SIMC1: variants seen among roughly 807,000 people sequenced by gnomAD.
SIMC1 encodes SUMO interacting motifs containing 1.
A neutral mutation model predicts 82.3 loss-of-function variants in SIMC1; 55 were observed. The ratio of observed to expected loss-of-function variants is 0.67; its 90% CI spans 0.54 to 0.84. The LOEUF is 0.84. Among genes scored for constraint, SIMC1 ranks in the 40% least tolerant of loss-of-function variants. SIMC1 has a pLI of 0.00. For synonymous variants in SIMC1, 353 were observed against 426.3 expected (o/e 0.83, Z 2.12); for missense variants, 915 against 1,107.2 (o/e 0.83, Z 2.46).
In SIMC1 at chr5:176,345,218, T is replaced by G; in HGVS notation, c.2449T>G (p.Leu817Val). The G allele has an allele frequency of 6.2e-7, 1 of 1,613,952 alleles. No individual in the cohort carries two copies. Among genetic ancestry groups the G allele is most frequent in the Non-Finnish European group, 8.5e-7 (1 of 1,179,872 alleles). The change falls in exon 10 of 10, where the codon TTA (leucine) becomes GTA (valine). Residue 817 changes from leucine to valine, a missense_variant. Physicochemically the swap from Leu to Val is conservative, Grantham distance 32. Coordinates refer to ENST00000429602, the MANE Select transcript of SIMC1 (RefSeq NM_001308195.2). ...LRSSVIDRKD[L>V]IIKRIKPKPQ... Reference sequence around the variant, plus strand: ...GAGTTCCGTGATCGACCGAAAGGACTTAATAATCAAAAGGATTAAGCCCAA... The same window carrying G: ...GAGTTCCGTGATCGACCGAAAGGACGTAATAATCAAAAGGATTAAGCCCAA...
chr5:176,323,765 T>A (rs1417089436), intron 6 of SIMC1, among the ~76,000 whole-genome samples: 1 of 151,994 alleles, frequency 6.6e-6, no homozygotes, highest in Non-Finnish European at 1.5e-5. Context: ...GGCGGGTGGA[T>A]CATGAGGTCA....
chr5:176,252,008 G>T (rs370623319), intron 1 of SIMC1, among the ~76,000 whole-genome samples: 1 of 151,718 alleles, frequency 6.6e-6, no homozygotes, highest in Admixed American at 6.6e-5. Flanking sequence ...GCAACCATCC[G>T]ATTTCTCAAT....
intron 4 of SIMC1, among the ~76,000 whole-genome samples, chr5:176,304,802 C>T (rs1228254533): frequency 6.6e-6 from 1 of 150,986 alleles, no homozygotes; most frequent in Non-Finnish European, 1.5e-5. Context: ...CCCGGCTGCC[C>T]ATTGTCTGAG....
At position 176,257,498 on chromosome 5, in the gene SIMC1, AAG is replaced by A. The variant is rs1251888264; in HGVS notation, c.129+18866_129+18867del. On this transcript the variant is annotated intron_variant, in intron 1 of 9. Coordinates refer to ENST00000429602, the MANE Select transcript of SIMC1 (RefSeq NM_001308195.2). ...AGCTGGCACATCACATGGAGAGAGC[AAG>A]AGAGTGAGAGTGGGGGTGCAAAGGT... 1.6e-4 allele frequency among the ~76,000 whole-genome samples: 24 copies of A among 152,234 alleles called. No homozygotes were observed. The East Asian group carries it at 3.5e-3, about 22-fold the overall frequency.
intron 1 of SIMC1, among the ~76,000 whole-genome samples, chr5:176,257,714 C>A (rs574053231): frequency 2.2e-4 from 34 of 152,066 alleles, no homozygotes; most frequent in African/African-American, 8.2e-4. Context: ...TTTTTCCCCC[C>A]AAAAAAATGT....
At chr5:176,342,033 A>G (rs1451352763) in intron 9 of SIMC1, among the ~76,000 whole-genome samples, 1 of 152,216 alleles carries the variant, frequency 6.6e-6, no homozygotes, top group Non-Finnish European at 1.5e-5. Context: ...GGGCACTGCT[A>G]ACATTTGCTT....
intron 1 of SIMC1, among the ~76,000 whole-genome samples, chr5:176,284,171 G>A (rs180767400): frequency 6.9e-4 from 105 of 152,184 alleles, no homozygotes; most frequent in Non-Finnish European, 1.3e-3. Flanking sequence ...TGTACCAAGC[G>A]GACCTACTAG....
At chr5:176,259,432 A>C (rs1429526106) in intron 1 of SIMC1, among the ~76,000 whole-genome samples, 1 of 151,944 alleles carries the variant, frequency 6.6e-6, no homozygotes, top group African/African-American at 2.4e-5. Context: ...CCTGGGTGAC[A>C]GAGCGAGACT....
At chr5:176,272,302 C>T (rs1217152388) in intron 1 of SIMC1, among the ~76,000 whole-genome samples, 2 of 150,550 alleles carry the variant, frequency 1.3e-5, no homozygotes, top group Non-Finnish European at 2.9e-5. Context: ...GAGACCCCAT[C>T]TCAAAAAACA....
At chr5:176,317,824 G>A (rs747643480) in intron 5 of SIMC1, among the ~76,000 whole-genome samples, 11 of 152,098 alleles carry the variant, frequency 7.2e-5, no homozygotes, top group South Asian at 6.2e-4. Flanking sequence ...TTGTGTTACC[G>A]GTGGAGGGTG....
chr5:176,308,519 TA>T, intron 4 of SIMC1: 1 of 1,605,758 alleles, frequency 6.2e-7, no homozygotes, highest in South Asian at 1.1e-5. Context: ...TTGTAGGACT[TA>T]TTTTTTCCTG....
Position 176,321,440 on chromosome 5 carries a change from TA to T in SIMC1, c.1890-818del, listed in dbSNP as rs953751441. The stretch of plus-strand genomic sequence containing the variant: ...CCTGGCGACAGAGCGAGACTCTGCC[TA>T]AAAAAAAAAAAAAACTCACTGCTAT... On this transcript the variant is annotated intron_variant, in intron 5 of 9. Transcript: ENST00000429602. 7.0e-3 allele frequency among the ~76,000 whole-genome samples: 965 copies of T among 137,676 alleles called. 6 individuals are homozygous for T. Among genetic ancestry groups the T allele is most frequent in the African/African-American group, 0.015 (571 of 37,722 alleles). The allele number at this position is 137,676 out of a possible 152,430, so 90.3% of individuals were successfully genotyped here.
At chr5:176,321,927 T>G (rs1369271966) in intron 5 of SIMC1, among the ~76,000 whole-genome samples, 3 of 137,520 alleles carry the variant, frequency 2.2e-5, no homozygotes, top group Non-Finnish European at 4.6e-5. Context: ...GTTCTTGCTG[T>G]GTTGCTCAGG....
rs888675351 is a variant in SIMC1 at position 176,336,936 on chromosome 5, C to A, written c.2328+60C>A. On this transcript the variant is annotated intron_variant, in intron 8 of 9. Transcript: ENST00000429602. ...CACCTCTCTTTGCTCTAGGCCCGAA[C>A]CCTTCCCATAGGATTTTAGCTTAAA... 4 of 1,604,744 alleles carry A rather than the reference C, an allele frequency of 2.5e-6. No individual in the cohort carries two copies. In the African/African-American group the frequency reaches 5.4e-5, roughly 22 times the overall value.
At chr5:176,298,994 T>C (rs183866539) in intron 4 of SIMC1, among the ~76,000 whole-genome samples, 301 of 152,262 alleles carry the variant, frequency 2.0e-3, no homozygotes, top group African/African-American at 6.4e-3. Context: ...TAAATGCAAA[T>C]AGATTAAAGT....
At chr5:176,242,390 A>G (rs1383709956) in intron 1 of SIMC1, among the ~76,000 whole-genome samples, 13 of 151,902 alleles carry the variant, frequency 8.6e-5, no homozygotes, top group African/African-American at 2.9e-4. Flanking sequence ...AAATTTTGAT[A>G]AAGTTTAACT....
intron 4 of SIMC1, among the ~76,000 whole-genome samples, chr5:176,303,268 T>TAA (rs200189307): frequency 1.0e-4 from 13 of 126,656 alleles, no homozygotes; most frequent in African/African-American, 3.2e-4. Flanking sequence ...ACTCTGTCTT[T>TAA]AAAAAAAAAA....
Position 176,295,019 on chromosome 5 carries a change from A to T in SIMC1, c.1432-11A>T, listed in dbSNP as rs774716690. 6.9e-6 allele frequency: 11 copies of T among 1,599,484 alleles called. No homozygotes were observed. The highest frequency in any genetic ancestry group is 8.5e-6 in the Non-Finnish European group (10 of 1,175,392). On this transcript the variant is annotated splice_polypyrimidine_tract_variant and intron_variant, in intron 2 of 9. Coordinates refer to ENST00000429602, the MANE Select transcript of SIMC1 (RefSeq NM_001308195.2). ...AATCCCTCCTAATTTCCTTCTTTTT[A>T]ATCTCTACAGAACAAGGGTCAAAAA...
At chr5:176,312,779 G>C (rs963842261) in intron 4 of SIMC1, among the ~76,000 whole-genome samples, 1 of 152,062 alleles carries the variant, frequency 6.6e-6, no homozygotes, top group Non-Finnish European at 1.5e-5. Flanking sequence ...TCTGGAGTTC[G>C]GAGGTTTCCA....
Sources: gnomAD v4.1 joint callset for allele counts (sites outside exome capture counted in the v4.1 genomes callset) on GRCh38, gnomAD v4.1.1 for gene constraint, MANE v1.5 for transcripts, NCBI Gene and HGNC (gene_info 2026-07-23, HGNC 2026-07-21) for gene names.